UNC5D: variants seen among roughly 807,000 people sequenced by gnomAD.
UNC5D encodes the protein netrin receptor UNC5D.
In UNC5D, 39 loss-of-function variants were observed where a neutral mutation model predicts 105.4. The observed-to-expected ratio is 0.37, with a 90% confidence interval of 0.29 to 0.48. UNC5D has a LOEUF of 0.48. Among genes scored for constraint, UNC5D ranks in the 20% least tolerant of loss-of-function variants. The pLI, the probability that UNC5D is intolerant of heterozygous loss-of-function variation, is 0.98. For missense variants in UNC5D, 991 were observed against 1,202.4 expected (o/e 0.82, Z 2.60); for synonymous variants, 452 against 450.4 (o/e 1.00, Z -0.04).
At chr8:35,575,535 C>T (rs924579053) in intron 3 of UNC5D, among the ~76,000 whole-genome samples, 5 of 152,176 alleles carry the variant, frequency 3.3e-5, no homozygotes, top group African/African-American at 1.2e-4. Context: ...CACTAACTCT[C>T]TGTTGTTCAG....
chr8:35,534,884 C>G (rs1337367894), intron 1 of UNC5D, among the ~76,000 whole-genome samples: 1 of 151,996 alleles, frequency 6.6e-6, no homozygotes, highest in African/African-American at 2.4e-5. Context: ...TCTGTGCCTA[C>G]TTACCTAACA....
chr8:35,724,352 T>G (rs1828744093), intron 9 of UNC5D: 5 of 1,516,490 alleles, frequency 3.3e-6, no homozygotes, highest in Non-Finnish European at 3.5e-6. Context: ...TATCATGTGG[T>G]TTTCACCTCC....
chr8:35,409,085 T>G (rs1172277291), intron 1 of UNC5D, among the ~76,000 whole-genome samples: 1 of 152,112 alleles, frequency 6.6e-6, no homozygotes, highest in East Asian at 1.9e-4. Context: ...ATCATCCTTG[T>G]TGTATGAGTC....
At chr8:35,688,844 T>C (rs1826199438) in intron 7 of UNC5D, among the ~76,000 whole-genome samples, 1 of 152,218 alleles carries the variant, frequency 6.6e-6, no homozygotes. Context: ...TAGGACGAGT[T>C]CATTTAATAA....
intron 1 of UNC5D, among the ~76,000 whole-genome samples, chr8:35,413,475 T>A (rs568761038): frequency 6.6e-5 from 10 of 151,660 alleles, no homozygotes; most frequent in Non-Finnish European, 1.2e-4. Context: ...TTTTTTTTTT[T>A]AACTGCGGCA....
chr8:35,698,697 T>A (rs1430748069), intron 7 of UNC5D, among the ~76,000 whole-genome samples: 1 of 152,178 alleles, frequency 6.6e-6, no homozygotes, highest in Non-Finnish European at 1.5e-5. Flanking sequence ...TCTTTGCTAT[T>A]GTAAATCACG....
chr8:35,750,523 A>ATAAAGGTTAGATCACATCTTATTTCC lies in UNC5D; in HGVS notation c.1936-58_1936-33dup, dbSNP rs541789187. The ATAAAGGTTAGATCACATCTTATTTCC allele has an allele frequency of 1.4e-4, 222 of 1,543,882 alleles. No homozygotes were observed. In the African/African-American group the frequency reaches 2.8e-3, roughly 19 times the overall value. ...GTTTATTTATTTGTGTCCTGGCAAT[A>ATAAAGGTTAGATCACATCTTATTTCC]TAAAGGTTAGATCACATCTTATTTC... is the stretch of plus-strand genomic sequence containing the variant. On this transcript the variant is annotated intron_variant, in intron 12 of 16. Coordinates refer to ENST00000404895, the MANE Select transcript of UNC5D (RefSeq NM_080872.4).
intron 8 of UNC5D, among the ~76,000 whole-genome samples, chr8:35,708,245 G>T (rs1202725924): frequency 2.6e-5 from 4 of 152,158 alleles, no homozygotes; most frequent in African/African-American, 9.7e-5. Flanking sequence ...GCGGGGAGGT[G>T]TAAAAAGAAA....
chr8:35,257,198 T>C (rs1487584697), intron 1 of UNC5D, among the ~76,000 whole-genome samples: 1 of 152,082 alleles, frequency 6.6e-6, no homozygotes, highest in African/African-American at 2.4e-5. Context: ...CACGATCTCC[T>C]GACCTCGTGA....
At chr8:35,346,547 T>C (rs1051901094) in intron 1 of UNC5D, among the ~76,000 whole-genome samples, 1 of 152,050 alleles carries the variant, frequency 6.6e-6, no homozygotes, top group African/African-American at 2.4e-5. Context: ...TTGAACATTT[T>C]ACTTTTTCAG....
chr8:35,686,810 A>G, intron 7 of UNC5D, 101 bp downstream of exon 7: 1 of 1,441,892 alleles, frequency 6.9e-7, no homozygotes, highest in Non-Finnish European at 9.2e-7. Context: ...ATAAGTTAGC[A>G]GAAAGCCAAG....
chr8:35,553,320 A>G lies in UNC5D; in HGVS notation c.322+3810A>G, dbSNP rs1816302656. Among the ~76,000 whole-genome samples, 6 of 151,308 alleles carry G rather than the reference A, an allele frequency of 4.0e-5. No individual in the cohort carries two copies. In the South Asian group the frequency reaches 1.3e-3, roughly 32 times the overall value. ...GATAGCGTTTTTTATTACATTCTCT[A>G]CCTCCATGTAGAAATCTCCTCCTCT... On this transcript the variant is annotated intron_variant, in intron 2 of 16. Coordinates refer to ENST00000404895, the MANE Select transcript of UNC5D (RefSeq NM_080872.4).
At chr8:35,661,858 T>A (rs1477673723) in intron 4 of UNC5D, among the ~76,000 whole-genome samples, 2 of 152,186 alleles carry the variant, frequency 1.3e-5, no homozygotes, top group African/African-American at 4.8e-5. Context: ...ACAGGCTTCC[T>A]TTCTTAGATT....
chr8:35,278,175 C>T (rs1422239650), intron 1 of UNC5D, among the ~76,000 whole-genome samples: 4 of 152,130 alleles, frequency 2.6e-5, no homozygotes, highest in Non-Finnish European at 5.9e-5. Context: ...GGTCCCTGCT[C>T]ACAGTGCCCT....
chr8:35,435,525 T>C (rs1435394265), intron 1 of UNC5D, among the ~76,000 whole-genome samples: 2 of 152,084 alleles, frequency 1.3e-5, no homozygotes, highest in Non-Finnish European at 2.9e-5. Context: ...AGTAGAGCCA[T>C]GTGTGATAAC....
rs138662988 is a variant in UNC5D at position 35,399,103 on chromosome 8, C to T, written c.104-150189C>T. Among the ~76,000 whole-genome samples the T allele has an allele frequency of 7.5e-3, 1,067 of 142,142 alleles. 10 individuals are homozygous for T. The highest frequency in any genetic ancestry group is 0.026 in the African/African-American group (966 of 37,402). 93.3% of individuals were successfully genotyped at this position (142,142 alleles called of 152,430 possible). Reference sequence around the variant, plus strand: ...GAGGTTGCAGTGGGGCGAGATGACACGACTGTACTCCAGCCTGGGTGACCT... The same window carrying T: ...GAGGTTGCAGTGGGGCGAGATGACATGACTGTACTCCAGCCTGGGTGACCT... On this transcript the variant is annotated intron_variant, in intron 1 of 16. Coordinates refer to ENST00000404895, the MANE Select transcript of UNC5D (RefSeq NM_080872.4).
intron 1 of UNC5D, chr8:35,544,484 T>C (rs1441585408): frequency 1.9e-6 from 3 of 1,613,840 alleles, no homozygotes; most frequent in Admixed American, 3.3e-5. Flanking sequence ...CAGTGATGTC[T>C]GTGCTGGGAC....
intron 8 of UNC5D, among the ~76,000 whole-genome samples, chr8:35,717,186 A>G (rs1253940085): frequency 2.0e-5 from 3 of 152,204 alleles, no homozygotes; most frequent in African/African-American, 7.2e-5. Flanking sequence ...CCAATGGGAG[A>G]TAAAACAGAA....
intron 1 of UNC5D, among the ~76,000 whole-genome samples, chr8:35,340,605 C>G (rs1811391712): frequency 6.6e-6 from 1 of 152,086 alleles, no homozygotes; most frequent in Non-Finnish European, 1.5e-5. Flanking sequence ...GTACCCAGGT[C>G]CAGAATTCAT....
Sources: allele counts gnomAD v4.1 joint callset (sites outside exome capture counted in the v4.1 genomes callset), GRCh38; gene constraint gnomAD v4.1.1; transcripts MANE v1.5; gene names NCBI Gene and HGNC (gene_info 2026-07-23, HGNC 2026-07-21).